Variants in FBXO34 observed in about 807,000 individuals in gnomAD.
FBXO34 encodes F-box protein 34.
Under a neutral mutation model 24.5 loss-of-function variants are expected in FBXO34, and 12 were observed. The observed-to-expected ratio is 0.49, with a 90% CI of 0.31 to 0.79. The LOEUF is 0.79. Among genes scored for constraint, FBXO34 ranks in the 30% least tolerant of loss-of-function variants. FBXO34 has a pLI of 0.04. For synonymous variants in FBXO34, 320 were observed against 311.9 expected (o/e 1.03, Z -0.27); for missense variants, 823 against 857.7 (o/e 0.96, Z 0.51).
At chr14:55,290,390 CAA>C (rs140347127) in intron 1 of FBXO34, among the ~76,000 whole-genome samples, 36 of 135,402 alleles carry the variant, frequency 2.7e-4, no homozygotes, top group South Asian at 6.9e-4. Context: ...AGACTTCTCT[CAA>C]AAAAAAAAAA....
downstream of FBXO34, among the ~76,000 whole-genome samples, chr14:55,372,673 C>A (rs1164250416): frequency 6.6e-6 from 1 of 152,008 alleles, no homozygotes; most frequent in Non-Finnish European, 1.5e-5. Flanking sequence ...CTTCGCTCCT[C>A]CCTGCTCCCT....
chr14:55,428,976 T>G, the FBXO34 span: 6 of 1,613,968 alleles, frequency 3.7e-6, no homozygotes, highest in Non-Finnish European at 4.2e-6. Context: ...TGCTCTTCAC[T>G]GGGGAGGGGC....
Position 55,351,349 on chromosome 14 carries a change from G to C in FBXO34, c.959G>C (p.Ser320Thr). ...RNVGRVLLAN[S>T]TQADEGKTKK... ...GTGGGCAGAGTATTGCTTGCAAATA[G>C]CACTCAGGCTGATGAAGGCAAAACA... The change falls in exon 2 of 2, where the codon AGC becomes ACC. Residue 320 changes from serine to threonine, a missense_variant. This residue lies in a region of FBXO34 where 693 missense variants were observed against 659.1 expected (regional missense o/e 1.05). Transcript: ENST00000313833. The C allele has an allele frequency of 6.2e-7, 1 of 1,614,204 alleles. No individual in the cohort carries two copies. Among genetic ancestry groups the C allele is most frequent in the South Asian group, 1.1e-5 (1 of 91,072 alleles).
intron 1 of FBXO34, among the ~76,000 whole-genome samples, chr14:55,308,174 C>G (rs1198417694): frequency 6.6e-6 from 1 of 152,194 alleles, no homozygotes; most frequent in Non-Finnish European, 1.5e-5. Flanking sequence ...TCAGAGAAAA[C>G]AAGCATTTTG....
the FBXO34 span, among the ~76,000 whole-genome samples, chr14:55,423,119 G>A: frequency 2.0e-5 from 3 of 152,118 alleles, no homozygotes. Flanking sequence ...ATTTACAAGA[G>A]ACAAAATGCT....
At chr14:55,439,613 A>ACCCCCCCCC in the FBXO34 span, among the ~76,000 whole-genome samples, 65 of 47,956 alleles carry the variant, frequency 1.4e-3, 11 homozygotes, top group East Asian at 2.8e-3. Context: ...GAGAAAAGCA[A>ACCCCCCCCC]ACCCCCCCCC....
At chr14:55,330,323 G>T (rs1355675698) in intron 1 of FBXO34, among the ~76,000 whole-genome samples, 1 of 152,064 alleles carries the variant, frequency 6.6e-6, no homozygotes, top group East Asian at 1.9e-4. Flanking sequence ...GTTTCAAAAA[G>T]ATCTTTCTTT....
intron 1 of FBXO34, among the ~76,000 whole-genome samples, chr14:55,315,557 A>G (rs755585349): frequency 2.0e-5 from 3 of 152,166 alleles, no homozygotes; most frequent in Non-Finnish European, 4.4e-5. Flanking sequence ...TGTAAGTTAA[A>G]CTTTGAGATC....
chr14:55,366,589 T>A (rs1566574307), downstream of FBXO34: 1 of 152,442 alleles, frequency 6.6e-6, no homozygotes, highest in Non-Finnish European at 1.5e-5. Context: ...TCCCGTCCAC[T>A]CTACCCAATG....
intron 1 of FBXO34, among the ~76,000 whole-genome samples, chr14:55,283,990 A>C (rs9743937): frequency 5.7e-5 from 7 of 122,636 alleles, no homozygotes; most frequent in African/African-American, 1.9e-4. Flanking sequence ...GTGTGTGTGT[A>C]TGTGTATGTA....
At position 55,351,989 on chromosome 14, in the gene FBXO34, G is replaced by A. The variant is rs529668528; in HGVS notation, c.1599G>A (p.Leu533=). 5.6e-6 allele frequency: 9 copies of A among 1,614,136 alleles called. No homozygotes were observed. The African/African-American group carries it at 8.0e-5, about 14-fold the overall frequency. ...GTGGGTCTGCTGAGCCATTTGTACT[G>A]CCAGCCTCTTCTGTGGAAAGTACAT... ...EKSGSAEPFV[L]PASSVESTLP... is the part of the protein sequence containing the mutation. The change falls in exon 2 of 2, where the codon CTG becomes CTA. Residue 533 remains leucine, a synonymous_variant. Coordinates refer to ENST00000313833, the MANE Select transcript of FBXO34 (RefSeq NM_017943.4).
chr14:55,395,828 T>C, the FBXO34 span: 51 of 671,384 alleles, frequency 7.6e-5, no homozygotes, highest in East Asian at 1.6e-3. Flanking sequence ...GTGGATTAAG[T>C]AGAGGACTGC....
chr14:55,370,289 A>G (rs903054857), downstream of FBXO34, among the ~76,000 whole-genome samples: 1 of 152,244 alleles, frequency 6.6e-6, no homozygotes, highest in African/African-American at 2.4e-5. Context: ...CACTCCAATG[A>G]GACAATTCTA....
chr14:55,434,369 C>T, the FBXO34 span, among the ~76,000 whole-genome samples: 2 of 152,076 alleles, frequency 1.3e-5, no homozygotes, highest in South Asian at 4.1e-4. Flanking sequence ...CTCTGGCCTG[C>T]CACATGGACG....
At chr14:55,296,361 G>A (rs1048932243) in intron 1 of FBXO34, among the ~76,000 whole-genome samples, 6 of 145,338 alleles carry the variant, frequency 4.1e-5, no homozygotes, top group African/African-American at 1.5e-4. Context: ...GTAGACAGTG[G>A]GTAGGTTTTG....
the FBXO34 span, chr14:55,411,521 G>T: frequency 4.4e-6 from 6 of 1,373,402 alleles, no homozygotes; most frequent in Admixed American, 1.3e-4. Context: ...CCCGGACGGG[G>T]AGCCCCAGGT....
intron 1 of FBXO34, among the ~76,000 whole-genome samples, chr14:55,345,910 G>A (rs1275359425): frequency 6.6e-6 from 1 of 152,210 alleles, no homozygotes; most frequent in African/African-American, 2.4e-5. Flanking sequence ...GGAAGCTGAG[G>A]TAGGAGGATT....
downstream of FBXO34, chr14:55,370,044 T>C: frequency 3.2e-6 from 3 of 934,640 alleles, no homozygotes. Context: ...CCCCATTCAT[T>C]CCCCAAGTCT....
the FBXO34 span, among the ~76,000 whole-genome samples, chr14:55,405,459 T>C: frequency 1.3e-5 from 2 of 152,246 alleles, no homozygotes; most frequent in Non-Finnish European, 1.5e-5. Context: ...AACATAATTA[T>C]AAAGTAGTAT....
Sources: allele counts gnomAD v4.1 joint callset (sites outside exome capture counted in the v4.1 genomes callset), GRCh38; gene constraint gnomAD v4.1.1; regional missense constraint gnomAD v4.1.1; transcripts MANE v1.5; gene names NCBI Gene and HGNC (gene_info 2026-07-23, HGNC 2026-07-21).